The following JAK1 variants were observed in gnomAD, a reference collection of about 807,000 sequenced individuals.
JAK1 encodes the protein Janus kinase 1.
In JAK1, 16 loss-of-function variants were observed where a neutral mutation model predicts 136.6. The observed-to-expected ratio is 0.12, with a 90% CI of 0.08 to 0.18. The LOEUF is 0.18. JAK1 is among the 10% of genes least tolerant of loss of function. JAK1 has a pLI of 1.00. For synonymous variants in JAK1, 492 were observed against 519.5 expected, an observed-to-expected ratio of 0.95 and a Z score of 0.72; for missense variants, 859 against 1,450.1, an observed-to-expected ratio of 0.59 and a Z score of 6.62.
Position 64,873,526 on chromosome 1 carries a change from G to A in JAK1, c.330-3C>T. On this transcript the variant is annotated splice_polypyrimidine_tract_variant and splice_region_variant and intron_variant, in intron 4 of 24. Transcript: ENST00000342505. ...CATGCCAATTGGTGAAATAGAACCT[G>A]GAAGGCAGGAAAATGAATGCCAATT... is the stretch of plus-strand genomic sequence containing the variant. 6.2e-7 allele frequency: 1 copy of A among 1,614,060 alleles called. No individual in the cohort carries two copies. The highest frequency in any genetic ancestry group is 1.3e-5 in the African/African-American group (1 of 75,032).
intron 1 of JAK1, among the ~76,000 whole-genome samples, chr1:64,903,261 A>G (rs1267988596): frequency 1.3e-5 from 2 of 152,200 alleles, no homozygotes; most frequent in Non-Finnish European, 2.9e-5. Flanking sequence ...TCCTGACCTC[A>G]GGTGATCCAC....
At chr1:64,973,233 AAGAAAGAAGG>A (rs2100676227) in intron 2 of JAK1, 1 of 150,608 alleles carries the variant, frequency 6.6e-6, no homozygotes, top group Admixed American at 6.6e-5. Flanking sequence ...AAAAGAAAGA[AAGAAAGAAGG>A]AGAAAGAAAG....
chr1:64,998,224 A>G (rs1646721274), intron 2 of JAK1, among the ~76,000 whole-genome samples: 2 of 152,236 alleles, frequency 1.3e-5, no homozygotes, highest in African/African-American at 4.8e-5. Context: ...TGTAATCACA[A>G]TTCTCCAAAG....
intron 1 of JAK1, among the ~76,000 whole-genome samples, chr1:64,912,929 T>G (rs1331829410): frequency 6.6e-6 from 1 of 152,220 alleles, no homozygotes; most frequent in East Asian, 1.9e-4. Flanking sequence ...CCCCAAATAT[T>G]TATTACTCTC....
chr1:65,029,796 TG>T (rs1647007354), intron 2 of JAK1, among the ~76,000 whole-genome samples: 1 of 152,050 alleles, frequency 6.6e-6, no homozygotes, highest in Non-Finnish European at 1.5e-5. Context: ...CAAGAGACAC[TG>T]GGGCCTATTG....
chr1:64,955,510 T>C (rs1199530350), intron 1 of JAK1, among the ~76,000 whole-genome samples: 1 of 152,204 alleles, frequency 6.6e-6, no homozygotes, highest in Admixed American at 6.5e-5. Flanking sequence ...TAATCTATTT[T>C]GGGACAGTGT....
intron 2 of JAK1, among the ~76,000 whole-genome samples, chr1:65,033,592 A>G (rs1647042365): frequency 6.6e-6 from 1 of 152,170 alleles, no homozygotes; most frequent in African/African-American, 2.4e-5. Flanking sequence ...CAAAATAATT[A>G]GAAAACATTG....
At chr1:64,953,936 A>G (rs536334114) in intron 1 of JAK1, among the ~76,000 whole-genome samples, 2 of 152,130 alleles carry the variant, frequency 1.3e-5, no homozygotes, top group African/African-American at 2.4e-5. Context: ...TGGCCTCCCA[A>G]TGTGCTGGGA....
chr1:64,943,972 C>T (rs1427793525), intron 1 of JAK1, among the ~76,000 whole-genome samples: 1 of 151,672 alleles, frequency 6.6e-6, no homozygotes, highest in Admixed American at 6.6e-5. Flanking sequence ...CCTGTAATCC[C>T]AGCACTTTGG....
intron 1 of JAK1, chr1:64,918,654 G>C (rs1407122307): frequency 5.2e-6 from 1 of 191,998 alleles, no homozygotes; most frequent in African/African-American, 2.4e-5. Flanking sequence ...GTGGATTACA[G>C]TAAACTGAAG....
chr1:64,841,534 A>G lies in JAK1; in HGVS notation c.2471T>C (p.Met824Thr). The change falls in exon 18 of 25, where the codon ATG becomes ACG. Residue 824 changes from methionine to threonine, a missense_variant. By Grantham distance (81) the Met-to-Thr change is moderately conservative (BLOSUM62 -1). Around this residue, in one of 4 missense-constraint regions of JAK1, gnomAD observed 409 missense variants for 753.8 expected, o/e 0.54. Coordinates refer to ENST00000342505, the MANE Select transcript of JAK1 (RefSeq NM_002227.4). ...TPSCKELADL[M>T]TRCMNYDPNQ... is the part of the protein sequence containing the mutation. ...GGGGTCATAGTTCATGCAGCGGGTC[A>G]TGAGGTCAGCCAGCTCCTTACATGA... 6.2e-7 allele frequency: 1 copy of G among 1,614,138 alleles called. No homozygotes were observed. Among genetic ancestry groups the G allele is most frequent in the Non-Finnish European group, 8.5e-7 (1 of 1,180,006 alleles).
intron 2 of JAK1, among the ~76,000 whole-genome samples, chr1:65,000,435 C>T (rs1479740606): frequency 1.3e-5 from 2 of 151,112 alleles, no homozygotes; most frequent in Non-Finnish European, 2.9e-5. Flanking sequence ...TCCAGGAGGT[C>T]AAGGCTGCAG....
At chr1:64,883,647 G>C (rs1334510312) in intron 2 of JAK1, among the ~76,000 whole-genome samples, 172 bp from the exon 3 acceptor site, 3 of 152,054 alleles carry the variant, frequency 2.0e-5, no homozygotes, top group African/African-American at 7.2e-5. Flanking sequence ...GATCTCATAA[G>C]AGATGAAACC....
intron 8 of JAK1, 103 bp from the exon 9 acceptor site, chr1:64,860,365 T>A: frequency 1.2e-6 from 1 of 810,962 alleles, no homozygotes; most frequent in Non-Finnish European, 1.8e-6. Context: ...TATAACCCAA[T>A]GGGAACCCCA....
rs766212368 is a variant in JAK1, at chr1:64,985,051, T to C, written c.-78+59429A>G. 9.9e-5 allele frequency: 86 copies of C among 869,058 alleles called. No homozygotes were observed. The East Asian group carries it at 2.0e-3, about 20-fold the overall frequency. 53.8% of individuals were successfully genotyped at this position (869,058 alleles called of 1,614,324 possible). A position where few individuals can be genotyped will look rare whatever the true frequency, so the allele number is the denominator to read the frequency against. On this transcript the variant is annotated intron_variant, in intron 2 of 25. Transcript: ENST00000671954. ...TCCTTCAATAACAAACAAACAGACA[T>C]GAGGATGGAACAAAAAGCCATCCCT... is the stretch of plus-strand genomic sequence containing the variant.
chr1:65,067,428 G>A (rs975404857), intron 1 of JAK1, among the ~76,000 whole-genome samples: 1 of 148,304 alleles, frequency 6.7e-6, no homozygotes, highest in African/African-American at 2.4e-5. Flanking sequence ...GCCGCGAGAC[G>A]GGGCCGGGAG....
upstream of JAK1, among the ~76,000 whole-genome samples, chr1:64,968,494 A>G (rs1646419219): frequency 6.6e-6 from 1 of 152,190 alleles, no homozygotes; most frequent in African/African-American, 2.4e-5. Flanking sequence ...TTCAGGCAGT[A>G]ATAGTATATG....
intron 11 of JAK1, among the ~76,000 whole-genome samples, chr1:64,854,849 G>A (rs1181736867): frequency 1.3e-5 from 2 of 150,918 alleles, no homozygotes; most frequent in Non-Finnish European, 2.9e-5. Flanking sequence ...GGCAGCCCCC[G>A]CCCATGCCTC....
chr1:65,018,917 A>G (rs925976197), intron 2 of JAK1, among the ~76,000 whole-genome samples: 7 of 152,186 alleles, frequency 4.6e-5, no homozygotes, highest in African/African-American at 1.7e-4. Context: ...AGGCTGAGGC[A>G]GGAGAACGGG....
Sources: allele counts gnomAD v4.1 joint callset (sites outside exome capture counted in the v4.1 genomes callset), GRCh38; gene constraint gnomAD v4.1.1; regional missense constraint gnomAD v4.1.1; transcripts MANE v1.5; gene names NCBI Gene and HGNC (gene_info 2026-07-23, HGNC 2026-07-21).